The following MAPT variants were observed in gnomAD, a reference collection of about 807,000 sequenced individuals.
MAPT encodes the protein microtubule associated protein tau, also known as microtubule-associated protein tau.
MAPT carries 34 observed loss-of-function variants against 67.9 expected under a neutral mutation model. The ratio of observed to expected loss-of-function variants is 0.50; its 90% CI spans 0.38 to 0.67. MAPT has a LOEUF of 0.67. Among genes scored for constraint, MAPT ranks in the 30% least tolerant of loss-of-function variants. The pLI is 0.00. For missense variants in MAPT, 881 were observed against 1,115.2 expected (o/e 0.79, Z 2.99); for synonymous variants, 456 against 464.5 (o/e 0.98, Z 0.23).
chr17:46,013,692 G>A (rs1206341527), intron 10 of MAPT, among the ~76,000 whole-genome samples: 1 of 152,104 alleles, frequency 6.6e-6, no homozygotes, highest in Non-Finnish European at 1.5e-5. Context: ...TGCTTTCCAG[G>A]GTCCGTGGAA....
chr17:45,964,130 A>G (rs893408113), intron 2 of MAPT, among the ~76,000 whole-genome samples: 1 of 151,976 alleles, frequency 6.6e-6, no homozygotes, highest in Admixed American at 6.5e-5. Context: ...GTGCTGCCAG[A>G]TTCAGCTCCC....
intron 1 of MAPT, among the ~76,000 whole-genome samples, chr17:45,958,725 GAAA>G (rs1186779352): frequency 1.4e-5 from 1 of 72,082 alleles, no homozygotes; most frequent in Non-Finnish European, 3.6e-5. Flanking sequence ...TGACTTAAAA[GAAA>G]AAAAAAAAAA....
At chr17:45,940,623 G>A (rs894485664) in intron 1 of MAPT, among the ~76,000 whole-genome samples, 1 of 152,190 alleles carries the variant, frequency 6.6e-6, no homozygotes, top group African/African-American at 2.4e-5. Context: ...AAGAGGAGAC[G>A]ACAGGGGATA....
chr17:46,004,185 G>A lies in MAPT; in HGVS notation c.1999-6125G>A, dbSNP rs192009730. On this transcript the variant is annotated intron_variant, in intron 9 of 12. Coordinates refer to ENST00000262410, the MANE Select transcript of MAPT (RefSeq NM_001377265.1). ...GTCTGGGCCAGCCTGGGAGCCAACT[G>A]TGAGGCACGGACGGGGCTGTGGGGC... 6.3e-4 allele frequency among the ~76,000 whole-genome samples: 96 copies of A among 152,326 alleles called. 1 individual carries two copies. The highest frequency in any genetic ancestry group is 2.1e-3 in the African/African-American group (89 of 41,578).
At position 45,958,873 on chromosome 17, in the gene MAPT, G is replaced by C. The variant is rs543338828; in HGVS notation, c.-17-3448G>C. 1.3e-3 allele frequency among the ~76,000 whole-genome samples: 195 copies of C among 152,056 alleles called. No individual in the cohort carries two copies. In the Middle Eastern group the frequency reaches 0.014, roughly 11 times the overall value. ...AGATCAGGAGTTCTAGACCAGCTTGGCCAACATGGTGAAATCCCGTCTCTA... is the reference window on the plus strand; with the variant it reads ...AGATCAGGAGTTCTAGACCAGCTTGCCCAACATGGTGAAATCCCGTCTCTA... On this transcript the variant is annotated intron_variant, in intron 1 of 12. Transcript: ENST00000262410.
chr17:45,950,714 G>GT (rs2068980487), intron 1 of MAPT, among the ~76,000 whole-genome samples: 1 of 152,158 alleles, frequency 6.6e-6, no homozygotes, highest in Non-Finnish European at 1.5e-5. Context: ...CCAGGCTGGA[G>GT]TTCAGTGGCA....
At chr17:45,903,542 C>T (rs974053021) in intron 1 of MAPT, among the ~76,000 whole-genome samples, 69 of 150,458 alleles carry the variant, frequency 4.6e-4, no homozygotes, top group African/African-American at 1.6e-3. Context: ...TGTGAAACCC[C>T]GTCTCTACTA....
At position 46,010,525 on chromosome 17, in the gene MAPT, T is replaced by C; in HGVS notation, c.2091+123T>C. ...CCTTCTTGGGCTCTCAGGATCTGGCTGCGACCTCTGGGTGAATGTAGCCCG... is the reference window on the plus strand; with the variant it reads ...CCTTCTTGGGCTCTCAGGATCTGGCCGCGACCTCTGGGTGAATGTAGCCCG... On this transcript the variant is annotated intron_variant, in intron 10 of 12. Transcript: ENST00000262410. The surrounding 1 kb of genome is among the most constrained non-coding windows in gnomAD (Gnocchi z 4.7). 1 of 768,834 alleles carries C rather than the reference T, an allele frequency of 1.3e-6. No individual in the cohort carries two copies. Among genetic ancestry groups the C allele is most frequent in the Non-Finnish European group, 2.3e-6 (1 of 442,316 alleles). The allele number at this position is 768,834 out of a possible 1,614,324, so 47.6% of individuals were successfully genotyped here. A position where few individuals can be genotyped will look rare whatever the true frequency, so the allele number is the denominator to read the frequency against.
Position 45,915,458 on chromosome 17 carries a change from A to G in MAPT, c.-18+20772A>G, listed in dbSNP as rs369102011. On this transcript the variant is annotated intron_variant, in intron 1 of 12. Transcript: ENST00000262410. This position sits in a 1 kb window ranked among gnomAD's most constrained non-coding sequence, Gnocchi z 4.4. ...GGTGTGTAAGCATGTGTGAGTGTGTATGTTTGAGCATGTGTGGTGTGTTGT... is the reference window on the plus strand; with the variant it reads ...GGTGTGTAAGCATGTGTGAGTGTGTGTGTTTGAGCATGTGTGGTGTGTTGT... Among the ~76,000 whole-genome samples, 9 of 109,762 alleles carry G rather than the reference A, an allele frequency of 8.2e-5. No individual in the cohort carries two copies. The highest frequency in any genetic ancestry group is 1.4e-4 in the Non-Finnish European group (6 of 42,836). 72.0% of individuals were successfully genotyped at this position (109,762 alleles called of 152,430 possible). A position where few individuals can be genotyped will look rare whatever the true frequency, so the allele number is the denominator to read the frequency against.
Position 45,971,899 on chromosome 17 carries a change from A to G in MAPT, c.174A>G (p.Glu58=). The change falls in exon 3 of 13, where the codon GAA becomes GAG. Residue 58 remains glutamate, a synonymous_variant. Coordinates refer to ENST00000262410, the MANE Select transcript of MAPT (RefSeq NM_001377265.1). The surrounding 1 kb of genome is among the most constrained non-coding windows in gnomAD (Gnocchi z 4.3). ...LQTPTEDGSE[E]PGSETSDAKS... ...CCCCCACTGAGGACGGATCTGAGGA[A>G]CCGGGCTCTGAAACCTCTGATGCTA... 1.2e-6 allele frequency: 2 copies of G among 1,614,110 alleles called. No homozygotes were observed. Among genetic ancestry groups the G allele is most frequent in the Admixed American group, 3.3e-5 (2 of 60,032 alleles).
chr17:45,967,232 C>T (rs1468144390), intron 2 of MAPT, among the ~76,000 whole-genome samples: 1 of 152,188 alleles, frequency 6.6e-6, no homozygotes, highest in African/African-American at 2.4e-5. Flanking sequence ...GATGAGTTAA[C>T]TTGTTATGCC....
chr17:46,021,293 C>T (rs1415933197), intron 12 of MAPT, among the ~76,000 whole-genome samples: 2 of 152,172 alleles, frequency 1.3e-5, no homozygotes, highest in South Asian at 2.1e-4. Flanking sequence ...AGTGAGAAAA[C>T]GAGGAGGGAC....
rs1381939684 is a variant in MAPT at position 46,024,203 on chromosome 17, G to A, written c.*32G>A. ...CCCTGGGGCGGTCAATAATTGTGGA[G>A]AGGAGAGAATGAGAGAGTGTGGAAA... On this transcript the variant is annotated 3_prime_UTR_variant, in exon 13 of 13. Coordinates refer to ENST00000262410, the MANE Select transcript of MAPT (RefSeq NM_001377265.1). 6.3e-7 allele frequency: 1 copy of A among 1,582,550 alleles called. No homozygotes were observed. The highest frequency in any genetic ancestry group is 2.2e-5 in the East Asian group (1 of 44,732).
At chr17:45,965,659 G>A (rs965857570) in intron 2 of MAPT, among the ~76,000 whole-genome samples, 40 of 151,502 alleles carry the variant, frequency 2.6e-4, no homozygotes, top group African/African-American at 6.0e-4. Context: ...CAGGTAATCC[G>A]CCCACCTCAG....
At chr17:45,905,084 A>G (rs1031706793) in intron 1 of MAPT, among the ~76,000 whole-genome samples, 5 of 152,160 alleles carry the variant, frequency 3.3e-5, no homozygotes, top group Non-Finnish European at 7.4e-5. Context: ...GCTGGCCCCA[A>G]TCCCCAGTGC....
At chr17:45,928,087 A>G (rs1360017109) in intron 1 of MAPT, among the ~76,000 whole-genome samples, 1 of 150,740 alleles carries the variant, frequency 6.6e-6, no homozygotes. Context: ...ACTGGAATCC[A>G]GCCAGGACTC....
intron 9 of MAPT, among the ~76,000 whole-genome samples, chr17:46,007,764 A>C (rs1007687876): frequency 1.3e-5 from 2 of 152,208 alleles, no homozygotes; most frequent in African/African-American, 4.8e-5. Flanking sequence ...TTAGAAAGCC[A>C]TGTGGAGAGT....
chr17:45,904,696 CTT>C (rs112216179), intron 1 of MAPT, among the ~76,000 whole-genome samples: 21,606 of 146,540 alleles, frequency 0.15, 2,100 homozygotes, highest in Non-Finnish European at 0.22. Flanking sequence ...TGTCTCTAAA[CTT>C]TTTTTTTTTA....
chr17:45,996,468 G>T lies in MAPT; in HGVS notation c.1802G>T (p.Arg601Leu), dbSNP rs115492908. 2.5e-6 allele frequency: 4 copies of T among 1,612,850 alleles called. No homozygotes were observed. Among genetic ancestry groups the T allele is most frequent in the Non-Finnish European group, 3.4e-6 (4 of 1,179,896 alleles). Reference protein sequence around the residue: ...SPGSPGTPGSRSRTPSLPTPP... With the variant: ...SPGSPGTPGSLSRTPSLPTPP... ...GGCTCCCCAGGCACTCCCGGCAGCCGCTCCCGCACCCCGTCCCTTCCAACC... is the reference window on the plus strand; with the variant it reads ...GGCTCCCCAGGCACTCCCGGCAGCCTCTCCCGCACCCCGTCCCTTCCAACC... The change falls in exon 9 of 13, where the codon CGC (arginine) becomes CTC (leucine). Residue 601 changes from arginine (R) to leucine (L), a missense_variant. Coordinates refer to ENST00000262410, the MANE Select transcript of MAPT (RefSeq NM_001377265.1). The surrounding 1 kb of genome is among the most constrained non-coding windows in gnomAD (Gnocchi z 4.5).
Sources: allele counts gnomAD v4.1 joint callset (sites outside exome capture counted in the v4.1 genomes callset), GRCh38; gene constraint gnomAD v4.1.1; non-coding constraint Gnocchi (gnomAD v3.1); transcripts MANE v1.5; gene names NCBI Gene and HGNC (gene_info 2026-07-23, HGNC 2026-07-21).